CAMK1D: variants seen among roughly 807,000 people sequenced by gnomAD.
The protein encoded by CAMK1D is calcium/calmodulin dependent protein kinase ID, also known as calcium/calmodulin-dependent protein kinase type 1D.
In CAMK1D, 9 loss-of-function variants were observed where a neutral mutation model predicts 47.7. The observed-to-expected ratio is 0.19, with a 90% CI of 0.11 to 0.33. The LOEUF (loss-of-function observed/expected upper bound fraction) is 0.33, where lower values mean the gene tolerates loss of function less well. CAMK1D is among the 10% of genes least tolerant of loss of function. The probability of loss-of-function intolerance (pLI) is 1.00; values close to 1 mark genes in which losing one functional copy is unlikely to be tolerated. For missense variants in CAMK1D, 291 were observed against 488.7 expected, an observed-to-expected ratio of 0.60 and a Z score of 3.81; for synonymous variants, 184 against 184.9, an observed-to-expected ratio of 0.99 and a Z score of 0.04.
At chr10:12,382,084 G>A (rs1356511620) in intron 1 of CAMK1D, among the ~76,000 whole-genome samples, 1 of 152,118 alleles carries the variant, frequency 6.6e-6, no homozygotes, top group East Asian at 1.9e-4. Flanking sequence ...GTAATGAAAT[G>A]ATATTGAACA....
chr10:12,407,249 C>T (rs1839469960), intron 1 of CAMK1D, among the ~76,000 whole-genome samples: 1 of 152,234 alleles, frequency 6.6e-6, no homozygotes, highest in Admixed American at 6.5e-5. Context: ...CGGGCAGAGC[C>T]GCCGTGAGGA....
chr10:12,507,008 A>G (rs1052430902), intron 1 of CAMK1D, among the ~76,000 whole-genome samples: 2 of 152,250 alleles, frequency 1.3e-5, no homozygotes, highest in African/African-American at 4.8e-5. Flanking sequence ...AACAGTTTTC[A>G]AATTAACTGC....
chr10:12,378,220 G>A (rs889578028), intron 1 of CAMK1D, among the ~76,000 whole-genome samples: 2 of 152,248 alleles, frequency 1.3e-5, no homozygotes, highest in African/African-American at 4.8e-5. Flanking sequence ...TGCTCTCTCC[G>A]TCTAAAGCCC....
intron 4 of CAMK1D, among the ~76,000 whole-genome samples, chr10:12,764,541 G>T (rs1204687335): frequency 6.6e-6 from 1 of 152,146 alleles, no homozygotes; most frequent in Non-Finnish European, 1.5e-5. Context: ...CCCTTGCCAG[G>T]ATTATGCCTT....
At chr10:12,672,499 G>T (rs1840656395) in intron 3 of CAMK1D, among the ~76,000 whole-genome samples, 1 of 151,902 alleles carries the variant, frequency 6.6e-6, no homozygotes, top group Admixed American at 6.6e-5. Context: ...TTCCCAAGTA[G>T]CTGGGATTAC....
At chr10:12,798,367 G>A (rs1338028360) in intron 6 of CAMK1D, among the ~76,000 whole-genome samples, 2 of 152,172 alleles carry the variant, frequency 1.3e-5, no homozygotes, top group East Asian at 1.9e-4. Flanking sequence ...ATGTATCACC[G>A]GCCTGGCCTA....
intron 1 of CAMK1D, among the ~76,000 whole-genome samples, chr10:12,387,383 A>T (rs1402851570): frequency 1.2e-4 from 4 of 34,234 alleles, no homozygotes; most frequent in Non-Finnish European, 2.2e-4. Context: ...ATTATATATT[A>T]TATATATTAT....
At chr10:12,633,624 A>G (rs2132471188) in intron 2 of CAMK1D, among the ~76,000 whole-genome samples, 1 of 152,066 alleles carries the variant, frequency 6.6e-6, no homozygotes. Context: ...TAGCACAATC[A>G]TGGCTCAGGG....
chr10:12,510,300 G>A (rs1391380291), intron 1 of CAMK1D, among the ~76,000 whole-genome samples: 5 of 152,098 alleles, frequency 3.3e-5, no homozygotes, highest in Non-Finnish European at 5.9e-5. Flanking sequence ...CCTGTAATCC[G>A]AGTTACTTGG....
rs1323865912 is a variant in CAMK1D, at chr10:12,835,502, A to G, written c.*6615A>G. ...TTCTATCATAATGATAATGAGATTG[A>G]TGACTTCCTGTTTTCCTCCAATAAA... On this transcript the variant is annotated 3_prime_UTR_variant, in exon 11 of 11. Transcript: ENST00000619168. The G allele has an allele frequency of 3.3e-5, 5 of 152,210 alleles. No homozygotes were observed. The highest frequency in any genetic ancestry group is 1.2e-4 in the African/African-American group (5 of 41,442). 9.4% of individuals were successfully genotyped at this position (152,210 alleles called of 1,614,324 possible). A position where few individuals can be genotyped will look rare whatever the true frequency, so the allele number is the denominator to read the frequency against.
intron 2 of CAMK1D, among the ~76,000 whole-genome samples, chr10:12,626,936 G>A (rs1242702700): frequency 1.3e-5 from 2 of 152,104 alleles, no homozygotes; most frequent in East Asian, 3.9e-4. Flanking sequence ...ATCAGCATGT[G>A]TATTATTATG....
chr10:12,643,758 C>G (rs1467635015), intron 2 of CAMK1D, among the ~76,000 whole-genome samples: 1 of 151,998 alleles, frequency 6.6e-6, no homozygotes, highest in Non-Finnish European at 1.5e-5. Flanking sequence ...GTGGGGCAAG[C>G]CTGTAATCCC....
At chr10:12,747,865 G>A (rs182054387) in intron 3 of CAMK1D, among the ~76,000 whole-genome samples, 2 of 152,312 alleles carry the variant, frequency 1.3e-5, no homozygotes, top group East Asian at 3.9e-4. Flanking sequence ...CATATTCGGG[G>A]TGGGGGACAC....
intron 3 of CAMK1D, among the ~76,000 whole-genome samples, chr10:12,755,680 T>G (rs1043636594): frequency 2.6e-5 from 4 of 152,198 alleles, no homozygotes; most frequent in Non-Finnish European, 5.9e-5. Context: ...CCTGACTTTT[T>G]AATGATCGCC....
At chr10:12,462,017 T>A (rs887882690) in intron 1 of CAMK1D, among the ~76,000 whole-genome samples, 52 of 151,990 alleles carry the variant, frequency 3.4e-4, no homozygotes, top group African/African-American at 1.2e-3. Flanking sequence ...GACCCCTAAC[T>A]CCCTTGCGAC....
At chr10:12,705,448 G>A (rs1243512208) in intron 3 of CAMK1D, among the ~76,000 whole-genome samples, 1 of 151,910 alleles carries the variant, frequency 6.6e-6, no homozygotes, top group African/African-American at 2.4e-5. Context: ...GTGACAAAGC[G>A]AGACTCCAGC....
At chr10:12,454,366 G>A (rs1171450588) in intron 1 of CAMK1D, among the ~76,000 whole-genome samples, 2 of 151,974 alleles carry the variant, frequency 1.3e-5, no homozygotes, top group African/African-American at 4.8e-5. Flanking sequence ...GCTTTACCGT[G>A]TTAGCCAAGA....
intron 6 of CAMK1D, among the ~76,000 whole-genome samples, chr10:12,806,012 T>G (rs925865927): frequency 6.6e-6 from 1 of 151,720 alleles, no homozygotes; most frequent in African/African-American, 2.4e-5. Context: ...CCTGGCCGGG[T>G]GGGATCAAGA....
chr10:12,732,267 C>G (rs540094969), intron 3 of CAMK1D, among the ~76,000 whole-genome samples: 3 of 152,090 alleles, frequency 2.0e-5, no homozygotes, highest in African/African-American at 7.2e-5. Context: ...TAACAAATAC[C>G]TGAGAGGCTC....
Sources: gnomAD v4.1 joint callset for allele counts (sites outside exome capture counted in the v4.1 genomes callset) on GRCh38, gnomAD v4.1.1 for gene constraint, MANE v1.5 for transcripts, NCBI Gene and HGNC (gene_info 2026-07-23, HGNC 2026-07-21) for gene names.